Variants in TOMM5 observed in about 807,000 individuals in gnomAD.
The protein encoded by TOMM5 is mitochondrial import receptor subunit TOM5 homolog.
A neutral mutation model predicts 4.8 loss-of-function variants in TOMM5; 1 was observed. That is an observed-to-expected ratio of 0.21 (90% confidence interval 0.07 to 0.99). TOMM5 has a LOEUF of 0.99. TOMM5 is among the 50% of genes least tolerant of loss of function. The probability of loss-of-function intolerance (pLI) is 0.60; values close to 1 mark genes in which losing one functional copy is unlikely to be tolerated. For missense variants in TOMM5, 60 were observed against 66.6 expected (o/e 0.90, Z 0.35); for synonymous variants, 26 against 26.7 (o/e 0.97, Z 0.08).
At chr9:37,590,790 GTGTTTC>G (rs1178420583) in intron 1 of TOMM5, among the ~76,000 whole-genome samples, 3 of 152,148 alleles carry the variant, frequency 2.0e-5, no homozygotes, top group African/African-American at 4.8e-5. Flanking sequence ...GATGATACGG[GTGTTTC>G]TGTTCCCCAA....
chr9:37,591,050 A>T lies in TOMM5; in HGVS notation c.121+1362T>A, dbSNP rs532392586. Among the ~76,000 whole-genome samples, 160 of 152,354 alleles carry T rather than the reference A, an allele frequency of 1.1e-3. 1 individual carries two copies. Among genetic ancestry groups the T allele is most frequent in the African/African-American group, 3.7e-3 (155 of 41,590 alleles). On this transcript the variant is annotated intron_variant, in intron 1 of 1. Transcript: ENST00000321301. ...TGAGAACGAGAAGGCAGGGCATTCG[A>T]GAACTGATCATAAAGCTGCTTCCAG... is the stretch of plus-strand genomic sequence containing the variant.
In TOMM5 at chr9:37,592,450, A is replaced by G; in HGVS notation, c.83T>C (p.Ile28Thr). The G allele has an allele frequency of 3.1e-6, 5 of 1,614,140 alleles. No individual in the cohort carries two copies. Among genetic ancestry groups the G allele is most frequent in the East Asian group, 2.2e-5 (1 of 44,878 alleles). The change falls in exon 1 of 2, where the codon ATA becomes ACA. Residue 28 changes from isoleucine (I) to threonine (T), a missense_variant. Coordinates refer to ENST00000321301, the MANE Select transcript of TOMM5 (RefSeq NM_001001790.3). ...RKMREDVISSIRNFLIYVALL... is the reference protein window; with the variant it reads ...RKMREDVISSTRNFLIYVALL... ...GGCCACGTAGATGAGAAAGTTCCGT[A>G]TGGAGGAGATCACATCCTCGCGCAT...
At position 37,588,759 on chromosome 9, in the gene TOMM5, C is replaced by T; in HGVS notation, c.*139G>A. The T allele has an allele frequency of 1.2e-6, 1 of 855,636 alleles. No homozygotes were observed. The allele number at this position is 855,636 out of a possible 1,614,324, so 53.0% of individuals were successfully genotyped here. A position where few individuals can be genotyped will look rare whatever the true frequency, so the allele number is the denominator to read the frequency against. ...AGCTTTGAAGGTCAGTTACCAGAGC[C>T]AAACTTGTTCTTAACAAGCAGAATT... On this transcript the variant is annotated 3_prime_UTR_variant, in exon 2 of 2. Coordinates refer to ENST00000321301, the MANE Select transcript of TOMM5 (RefSeq NM_001001790.3).
intron 1 of TOMM5, among the ~76,000 whole-genome samples, chr9:37,590,129 C>T (rs755355305): frequency 2.0e-5 from 3 of 152,178 alleles, no homozygotes; most frequent in Non-Finnish European, 2.9e-5. Context: ...TGGTGGACCA[C>T]ACCTGTAATC....
At chr9:37,592,075 G>A (rs1008813009) in intron 1 of TOMM5, among the ~76,000 whole-genome samples, 1 of 151,916 alleles carries the variant, frequency 6.6e-6, no homozygotes, top group Non-Finnish European at 1.5e-5. Flanking sequence ...CCGCCACCAC[G>A]AACTCCTGAC....
At position 37,590,177 on chromosome 9, in the gene TOMM5, G is replaced by C. The variant is rs1823078745; in HGVS notation, c.122-1245C>G. Among the ~76,000 whole-genome samples the C allele has an allele frequency of 2.6e-5, 4 of 152,080 alleles. No individual in the cohort carries two copies. In the South Asian group the frequency reaches 6.2e-4, roughly 24 times the overall value. ...GAGGAGGAAATGAGAAGGATTGATC[G>C]AGCCCAATAGTTTGAGACCAACCTG... On this transcript the variant is annotated intron_variant, in intron 1 of 1. Coordinates refer to ENST00000321301, the MANE Select transcript of TOMM5 (RefSeq NM_001001790.3).
At chr9:37,591,448 T>C (rs560368554) in intron 1 of TOMM5, among the ~76,000 whole-genome samples, 1 of 152,116 alleles carries the variant, frequency 6.6e-6, no homozygotes, top group South Asian at 2.1e-4. Context: ...CCCAGCACTT[T>C]GGGAGGCTGA....
Position 37,589,618 on chromosome 9 carries a change from TTTTA to T in TOMM5, c.122-690_122-687del, listed in dbSNP as rs541595728. On this transcript the variant is annotated intron_variant, in intron 1 of 1. Transcript: ENST00000321301. ...TACTAATAGAATTTTGTTAACATTATTTTATTTATTTATTTTTTTCAGCCTCCTG... is the reference window on the plus strand; with the variant it reads ...TACTAATAGAATTTTGTTAACATTATTTTATTTATTTTTTTCAGCCTCCTG... Among the ~76,000 whole-genome samples the T allele has an allele frequency of 2.3e-3, 352 of 152,324 alleles. 1 individual carries two copies. The highest frequency in any genetic ancestry group is 7.9e-3 in the African/African-American group (327 of 41,570).
chr9:37,592,362 G>C, intron 1 of TOMM5, 50 bp downstream of exon 1: 1 of 1,612,580 alleles, frequency 6.2e-7, no homozygotes. Flanking sequence ...AGGGGTGCCC[G>C]TCGGTGAGCT....
chr9:37,589,552 CA>C (rs112972730), intron 1 of TOMM5, among the ~76,000 whole-genome samples: 2 of 151,536 alleles, frequency 1.3e-5, no homozygotes, highest in South Asian at 2.1e-4. Context: ...GTGTTGTGAC[CA>C]AAAAAAAGCT....
At chr9:37,591,673 C>G (rs372539222) in intron 1 of TOMM5, among the ~76,000 whole-genome samples, 6 of 141,484 alleles carry the variant, frequency 4.2e-5, no homozygotes, top group East Asian at 2.1e-4. Flanking sequence ...GCCTGGGCAA[C>G]AGGGCGTGAC....
intron 1 of TOMM5, among the ~76,000 whole-genome samples, chr9:37,592,016 C>A (rs953586517): frequency 6.6e-6 from 1 of 151,994 alleles, no homozygotes; most frequent in East Asian, 1.9e-4. Context: ...CTCCTGGATT[C>A]AAGCAATCCT....
chr9:37,591,460 G>A (rs1168561409), intron 1 of TOMM5, among the ~76,000 whole-genome samples: 2 of 152,130 alleles, frequency 1.3e-5, no homozygotes, highest in Non-Finnish European at 2.9e-5. Flanking sequence ...GGAGGCTGAG[G>A]CAGGTGGATC....
chr9:37,592,572 C>A lies in TOMM5; in HGVS notation c.-40G>T. On this transcript the variant is annotated 5_prime_UTR_variant, in exon 1 of 2. Transcript: ENST00000321301. Reference sequence around the variant, plus strand: ...AGCAGCTTCCAGCCGCCGCGCTCTGCTCTCCACGGTGGCCGCCTCGCGCCC... The same window carrying A: ...AGCAGCTTCCAGCCGCCGCGCTCTGATCTCCACGGTGGCCGCCTCGCGCCC... 6.3e-7 allele frequency: 1 copy of A among 1,597,276 alleles called. No individual in the cohort carries two copies. The highest frequency in any genetic ancestry group is 8.5e-7 in the Non-Finnish European group (1 of 1,170,632).
rs118102345 is a variant in TOMM5, at chr9:37,589,677, A to G, written c.122-745T>C. Among the ~76,000 whole-genome samples, 149 of 152,252 alleles carry G rather than the reference A, an allele frequency of 9.8e-4. 1 individual carries two copies. The East Asian group carries it at 0.026, about 27-fold the overall frequency. On this transcript the variant is annotated intron_variant, in intron 1 of 1. Transcript: ENST00000321301. ...GTTGGGACTATAGGCACATGCCACT[A>G]TGCCTGGCTAATTTTTGTATTTTTT...
intron 1 of TOMM5, among the ~76,000 whole-genome samples, chr9:37,592,021 A>G (rs1215694797): frequency 6.6e-6 from 1 of 151,930 alleles, no homozygotes; most frequent in African/African-American, 2.4e-5. Context: ...GGATTCAAGC[A>G]ATCCTCCCAC....
intron 1 of TOMM5, among the ~76,000 whole-genome samples, chr9:37,590,187 G>GT (rs926442285): frequency 2.0e-5 from 3 of 152,172 alleles, no homozygotes; most frequent in Non-Finnish European, 2.9e-5. Flanking sequence ...GAGCCCAATA[G>GT]TTTGAGACCA....
chr9:37,588,579 C>T lies in TOMM5; in HGVS notation c.*319G>A, dbSNP rs1823051503. ...AACAGAAATGACTGACAAGACAGTG[C>T]CATTTCAGACACAGCTCCCTTAATA... On this transcript the variant is annotated 3_prime_UTR_variant, in exon 2 of 2. Transcript: ENST00000321301. 3 of 472,920 alleles carry T rather than the reference C, an allele frequency of 6.3e-6. No homozygotes were observed. Among genetic ancestry groups the T allele is most frequent in the East Asian group, 4.4e-5 (1 of 22,840 alleles). The allele number at this position is 472,920 out of a possible 1,614,324, so 29.3% of individuals were successfully genotyped here. A position where few individuals can be genotyped will look rare whatever the true frequency, so the allele number is the denominator to read the frequency against.
intron 1 of TOMM5, among the ~76,000 whole-genome samples, chr9:37,589,765 G>T (rs1823072795): frequency 6.6e-6 from 1 of 151,958 alleles, no homozygotes; most frequent in African/African-American, 2.4e-5. Flanking sequence ...CGAACAATCT[G>T]CCCGCCTCAG....
Sources: allele counts gnomAD v4.1 joint callset (sites outside exome capture counted in the v4.1 genomes callset), GRCh38; gene constraint gnomAD v4.1.1; transcripts MANE v1.5; gene names NCBI Gene and HGNC (gene_info 2026-07-23, HGNC 2026-07-21).